The following ZPLD1 variants were observed in gnomAD, a reference collection of about 807,000 sequenced individuals.
The protein encoded by ZPLD1 is zona pellucida-like domain-containing protein 1.
In ZPLD1, 34 loss-of-function variants were observed where a neutral mutation model predicts 47.2. That is an observed-to-expected ratio of 0.72 (90% CI 0.55 to 0.96). ZPLD1 has a LOEUF of 0.96. ZPLD1 is among the 40% of genes least tolerant of loss of function. The pLI is 0.00. For missense variants in ZPLD1, 512 were observed against 505.8 expected, an observed-to-expected ratio of 1.01 and a Z score of -0.12; for synonymous variants, 176 against 186.2, an observed-to-expected ratio of 0.95 and a Z score of 0.45.
chr3:102,386,287 C>CTT (rs1224691188), intron 6 of ZPLD1, among the ~76,000 whole-genome samples: 287 of 125,962 alleles, frequency 2.3e-3, no homozygotes, highest in African/African-American at 7.2e-3. Flanking sequence ...TAAGTGGGGT[C>CTT]TTTTTTTTTT....
chr3:102,458,148 T>C (rs1707448008), intron 6 of ZPLD1, among the ~76,000 whole-genome samples: 1 of 152,284 alleles, frequency 6.6e-6, no homozygotes, highest in South Asian at 2.1e-4. Context: ...TTTATTTAGG[T>C]AGGGGTGTGT....
chr3:102,441,239 A>G (rs1396454993), intron 3 of ZPLD1, among the ~76,000 whole-genome samples: 4 of 152,230 alleles, frequency 2.6e-5, no homozygotes, highest in Non-Finnish European at 4.4e-5. Flanking sequence ...GAGCCATGAA[A>G]TAACTATGAC....
At chr3:102,438,178 C>T (rs1300696073) in intron 2 of ZPLD1, among the ~76,000 whole-genome samples, 3 of 152,178 alleles carry the variant, frequency 2.0e-5, no homozygotes, top group Admixed American at 2.0e-4. Context: ...TTGCGTTCTT[C>T]CTATGCATAA....
intron 7 of ZPLD1, among the ~76,000 whole-genome samples, chr3:102,398,049 T>C (rs1461077617): frequency 6.6e-6 from 1 of 152,130 alleles, no homozygotes. Flanking sequence ...CACACCCACA[T>C]AATATACACT....
intron 7 of ZPLD1, among the ~76,000 whole-genome samples, chr3:102,405,438 AGAC>A (rs1275410012): frequency 9.2e-5 from 14 of 152,010 alleles, no homozygotes; most frequent in African/African-American, 3.4e-4. Context: ...TAAATCAGAT[AGAC>A]ATGTTGACTA....
chr3:102,410,983 A>G (rs1706742261), intron 7 of ZPLD1, among the ~76,000 whole-genome samples: 2 of 151,832 alleles, frequency 1.3e-5, no homozygotes, highest in South Asian at 4.1e-4. Context: ...TTGTTTATGT[A>G]AAGGTTAAAA....
chr3:102,400,687 T>A (rs1706610024), intron 7 of ZPLD1, among the ~76,000 whole-genome samples: 1 of 152,082 alleles, frequency 6.6e-6, no homozygotes, highest in Non-Finnish European at 1.5e-5. Context: ...TTTATGTGTC[T>A]TGTTTCCCTC....
At position 102,469,230 on chromosome 3, in the gene ZPLD1, T is replaced by A. The variant is rs185388842; in HGVS notation, c.933+95T>A. 17 of 1,299,302 alleles carry A rather than the reference T, an allele frequency of 1.3e-5. No individual in the cohort carries two copies. In the South Asian group the frequency reaches 1.6e-4, roughly 12 times the overall value. 80.5% of individuals were successfully genotyped at this position (1,299,302 alleles called of 1,614,324 possible). ...AACTAAGTTCTGCATAGAAAGTGGA[T>A]ATGTGTTAGATCAAATAGTTTGAAG... On this transcript the variant is annotated intron_variant, in intron 9 of 11. Coordinates refer to ENST00000466937, the MANE Select transcript of ZPLD1 (RefSeq NM_001329788.2).
At chr3:102,446,023 G>A (rs1707250567) in intron 3 of ZPLD1, among the ~76,000 whole-genome samples, 1 of 152,144 alleles carries the variant, frequency 6.6e-6, no homozygotes, top group Admixed American at 6.5e-5. Context: ...GCAGAATACA[G>A]ATAGATGAAC....
At chr3:102,433,098 C>T (rs951503729), upstream of ZPLD1, among the ~76,000 whole-genome samples, 1 of 152,172 alleles carries the variant, frequency 6.6e-6, no homozygotes, top group Non-Finnish European at 1.5e-5. Context: ...TTTCTGATTG[C>T]TGTACCTCAG....
intron 7 of ZPLD1, among the ~76,000 whole-genome samples, chr3:102,463,883 C>CCAAAAA (rs1407614082): frequency 9.1e-6 from 1 of 110,210 alleles, no homozygotes; most frequent in Non-Finnish European, 1.8e-5. Context: ...ATTAAAAATA[C>CCAAAAA]AAAAAAAAAA....
chr3:102,449,040 C>T (rs1471714774), intron 3 of ZPLD1, among the ~76,000 whole-genome samples: 2 of 152,230 alleles, frequency 1.3e-5, no homozygotes, highest in African/African-American at 2.4e-5. Context: ...CCTGCAATCT[C>T]ACCTGTGCCT....
At chr3:102,388,623 C>T (rs1706461939) in intron 6 of ZPLD1, among the ~76,000 whole-genome samples, 1 of 152,062 alleles carries the variant, frequency 6.6e-6, no homozygotes, top group African/African-American at 2.4e-5. Flanking sequence ...TTCTCTATTC[C>T]GTGGTGCAGT....
Position 102,456,545 on chromosome 3 carries a change from A to C in ZPLD1, c.509+171A>C, listed in dbSNP as rs113798539. On this transcript the variant is annotated intron_variant, in intron 5 of 11. Coordinates refer to ENST00000466937, the MANE Select transcript of ZPLD1 (RefSeq NM_001329788.2). ...ATTTACCTCTATCTGTTTATCTATTATATCTATCTATCTATCTATCTATCT... is the reference window on the plus strand; with the variant it reads ...ATTTACCTCTATCTGTTTATCTATTCTATCTATCTATCTATCTATCTATCT... 1.7e-3 allele frequency among the ~76,000 whole-genome samples: 246 copies of C among 147,144 alleles called. 1 individual carries two copies. The highest frequency in any genetic ancestry group is 5.9e-3 in the African/African-American group (233 of 39,250).
intron 7 of ZPLD1, among the ~76,000 whole-genome samples, chr3:102,413,371 T>C (rs1370881414): frequency 3.3e-5 from 5 of 151,860 alleles, no homozygotes; most frequent in African/African-American, 9.7e-5. Context: ...TGGAAACTTA[T>C]TCATATTTAT....
chr3:102,452,847 A>G (rs1474424019), intron 3 of ZPLD1, 72 bp from the exon 4 acceptor site: 17 of 1,483,232 alleles, frequency 1.1e-5, no homozygotes, highest in Non-Finnish European at 1.4e-5. Context: ...TAAATATATC[A>G]GTAGGATGTT....
intron 7 of ZPLD1, among the ~76,000 whole-genome samples, chr3:102,415,909 G>C (rs962732463): frequency 4.0e-5 from 6 of 151,800 alleles, no homozygotes; most frequent in Admixed American, 3.9e-4. Context: ...AAAGGGCACT[G>C]GTCACTTTTC....
chr3:102,414,496 T>C (rs978789364), intron 7 of ZPLD1, among the ~76,000 whole-genome samples: 2 of 151,880 alleles, frequency 1.3e-5, no homozygotes, highest in African/African-American at 4.8e-5. Flanking sequence ...TTAAATTTAA[T>C]GCTTTGATTA....
At chr3:102,477,138 G>A in intron 11 of ZPLD1, 97 bp downstream of exon 11, 1 of 1,397,100 alleles carries the variant, frequency 7.2e-7, no homozygotes, top group African/African-American at 1.4e-5. Flanking sequence ...AGTTTTCCAA[G>A]TTTGGTCCAT....
Sources: allele counts gnomAD v4.1 joint callset (sites outside exome capture counted in the v4.1 genomes callset), GRCh38; gene constraint gnomAD v4.1.1; transcripts MANE v1.5; gene names NCBI Gene and HGNC (gene_info 2026-07-23, HGNC 2026-07-21).